The following SLC2A9 variants were observed in gnomAD, a reference collection of about 807,000 sequenced individuals.
SLC2A9 encodes solute carrier family 2, facilitated glucose transporter member 9.
Under a neutral mutation model 50.6 loss-of-function variants are expected in SLC2A9, and 39 were observed. The ratio of observed to expected loss-of-function variants is 0.77; its 90% CI spans 0.60 to 1.01. The LOEUF (loss-of-function observed/expected upper bound fraction) is 1.01, where lower values mean the gene tolerates loss of function less well. Among genes scored for constraint, SLC2A9 ranks in the 50% least tolerant of loss-of-function variants. The pLI is 0.00. For synonymous variants in SLC2A9, 324 were observed against 276.9 expected, an observed-to-expected ratio of 1.17 and a Z score of -1.69; for missense variants, 686 against 677.6, an observed-to-expected ratio of 1.01 and a Z score of -0.14.
chr4:10,004,713 G>A (rs1164169000), intron 2 of SLC2A9, among the ~76,000 whole-genome samples: 8 of 152,198 alleles, frequency 5.3e-5, no homozygotes, highest in South Asian at 2.1e-4. Context: ...CACAATCAAC[G>A]TAACTACAGA....
downstream of SLC2A9, among the ~76,000 whole-genome samples, chr4:9,825,750 AAC>A (rs1415321253): frequency 6.6e-6 from 1 of 152,298 alleles, no homozygotes; most frequent in Admixed American, 6.5e-5. Flanking sequence ...CCATTCCTGG[AAC>A]ACAGTTTGGG....
At chr4:9,776,919 C>A (rs1195140477), downstream of SLC2A9, among the ~76,000 whole-genome samples, 3 of 152,174 alleles carry the variant, frequency 2.0e-5, no homozygotes, top group African/African-American at 7.2e-5. Context: ...ACTATTGCTA[C>A]AGATATCCTG....
At chr4:9,950,207 C>G (rs1749972968) in intron 5 of SLC2A9, among the ~76,000 whole-genome samples, 1 of 152,178 alleles carries the variant, frequency 6.6e-6, no homozygotes, top group South Asian at 2.1e-4. Flanking sequence ...CATTCATGCT[C>G]TGATTCTATT....
intron 5 of SLC2A9, among the ~76,000 whole-genome samples, chr4:9,967,763 C>G (rs1753261201): frequency 6.6e-6 from 1 of 151,580 alleles, no homozygotes. Flanking sequence ...AAAAATCTTG[C>G]CTGGTAAATG....
intron 10 of SLC2A9, among the ~76,000 whole-genome samples, chr4:9,845,630 C>T (rs892232966): frequency 6.6e-6 from 1 of 151,038 alleles, no homozygotes; most frequent in Non-Finnish European, 1.5e-5. Context: ...CGGGGTTTCA[C>T]CGTGTTAGCC....
At chr4:9,843,831 C>T (rs1304392593) in intron 10 of SLC2A9, among the ~76,000 whole-genome samples, 1 of 152,138 alleles carries the variant, frequency 6.6e-6, no homozygotes, top group Non-Finnish European at 1.5e-5. Flanking sequence ...AGTAAGCTTC[C>T]TGGCTCCTGG....
At chr4:9,879,670 A>G (rs981078905) in intron 10 of SLC2A9, 1 of 985,254 alleles carries the variant, frequency 1.0e-6, no homozygotes, top group African/African-American at 1.7e-5. Context: ...TTACCGCTCC[A>G]TCTTGTTTGC....
intron 10 of SLC2A9, among the ~76,000 whole-genome samples, chr4:9,846,087 A>G (rs1276924116): frequency 6.6e-6 from 1 of 152,206 alleles, no homozygotes; most frequent in Non-Finnish European, 1.5e-5. Context: ...GACCCAGAGT[A>G]GAGAGTGACT....
intron 9 of SLC2A9, 114 bp downstream of exon 9, chr4:9,890,496 T>C (rs1737176827): frequency 1.0e-6 from 1 of 990,180 alleles, no homozygotes; most frequent in Non-Finnish European, 1.6e-6. Flanking sequence ...GAGAGCTTTA[T>C]CACAAGTGTT....
intron 10 of SLC2A9, among the ~76,000 whole-genome samples, chr4:9,876,364 G>A (rs184652935): frequency 4.4e-4 from 67 of 152,266 alleles, no homozygotes; most frequent in Admixed American, 9.8e-4. Flanking sequence ...AGGCCAAGGT[G>A]GGAGGATAAC....
At chr4:9,818,049 T>G (rs1376868690) in intron 3 of SLC2A9, among the ~76,000 whole-genome samples, 1 of 152,214 alleles carries the variant, frequency 6.6e-6, no homozygotes, top group East Asian at 1.9e-4. Flanking sequence ...AAATTGGGGT[T>G]GAGGATTATA....
intron 3 of SLC2A9, chr4:9,783,292 C>T: frequency 1.2e-6 from 2 of 1,614,194 alleles, no homozygotes; most frequent in Non-Finnish European, 1.7e-6. Context: ...TTACCCCCGG[C>T]AACCGGGAGG....
At chr4:9,931,942 C>CTCAATCTCTCTCTCTCTCAA (rs1560328744) in intron 6 of SLC2A9, among the ~76,000 whole-genome samples, 13 of 59,758 alleles carry the variant, frequency 2.2e-4, no homozygotes, top group African/African-American at 9.4e-4. Context: ...CTCTCTCTCT[C>CTCAATCTCTCTCTCTCTCAA]TCTCTCTCTC....
intron 3 of SLC2A9, among the ~76,000 whole-genome samples, chr4:9,817,903 G>A (rs907786716): frequency 6.6e-6 from 1 of 152,176 alleles, no homozygotes. Flanking sequence ...GGCTTTGTCT[G>A]TCCCTCCTGT....
chr4:9,950,912 A>G (rs1232742775), intron 5 of SLC2A9, among the ~76,000 whole-genome samples: 1 of 28,708 alleles, frequency 3.5e-5, no homozygotes, highest in Non-Finnish European at 5.5e-5. Flanking sequence ...AAAAAAAAAA[A>G]AAAAAAAGAA....
downstream of SLC2A9, among the ~76,000 whole-genome samples, chr4:9,823,541 G>C (rs1308770080): frequency 2.6e-5 from 4 of 152,118 alleles, no homozygotes; most frequent in African/African-American, 7.2e-5. Context: ...GAGGAGGAAG[G>C]CCCAAGCAAA....
At chr4:10,037,619 A>C (rs1764148569) in intron 1 of SLC2A9, among the ~76,000 whole-genome samples, 1 of 152,214 alleles carries the variant, frequency 6.6e-6, no homozygotes, top group Non-Finnish European at 1.5e-5. Context: ...AATGAAAAAA[A>C]CCTAACTTTA....
chr4:9,920,358 G>A (rs375378819), intron 7 of SLC2A9, 27 bp downstream of exon 7: 3 of 1,613,040 alleles, frequency 1.9e-6, no homozygotes, highest in Non-Finnish European at 2.5e-6. Context: ...AGTCATGCAA[G>A]GATGCCCACC....
upstream of SLC2A9, among the ~76,000 whole-genome samples, chr4:10,026,329 A>G (rs1294728743): frequency 6.6e-6 from 1 of 152,014 alleles, no homozygotes; most frequent in Non-Finnish European, 1.5e-5. Flanking sequence ...TCCTAGTGTC[A>G]CCCATATTTT....
Sources: allele counts gnomAD v4.1 joint callset (sites outside exome capture counted in the v4.1 genomes callset), GRCh38; gene constraint gnomAD v4.1.1; transcripts MANE v1.5; gene names NCBI Gene and HGNC (gene_info 2026-07-23, HGNC 2026-07-21).